SIPA1L1: variants seen among roughly 807,000 people sequenced by gnomAD.
SIPA1L1 encodes the protein signal induced proliferation associated 1 like 1, also known as signal-induced proliferation-associated 1-like protein 1.
SIPA1L1 carries 26 observed loss-of-function variants against 162.7 expected under a neutral mutation model. That is an observed-to-expected ratio of 0.16 (90% confidence interval 0.12 to 0.22). SIPA1L1 has a LOEUF of 0.22. SIPA1L1 is among the 10% of genes least tolerant of loss of function. The pLI, the probability that SIPA1L1 is intolerant of heterozygous loss-of-function variation, is 1.00. For synonymous variants in SIPA1L1, 829 were observed against 837.4 expected, an observed-to-expected ratio of 0.99 and a Z score of 0.17; for missense variants, 1,874 against 2,241.0, an observed-to-expected ratio of 0.84 and a Z score of 3.31.
At position 71,672,619 on chromosome 14, in the gene SIPA1L1, G is replaced by A. The variant is rs753360751; in HGVS notation, c.3101G>A (p.Arg1034Gln). 6 of 1,613,024 alleles carry A rather than the reference G, an allele frequency of 3.7e-6. No individual in the cohort carries two copies. The highest frequency in any genetic ancestry group is 1.6e-4 in the Middle Eastern group (1 of 6,068). Residue 1034 changes from arginine to glutamine, a missense_variant, in exon 12 of 24, where the codon CGG becomes CAG. By Grantham distance (43) the Arg-to-Gln change is conservative. This residue lies in a region of SIPA1L1 where 936 missense variants were observed against 1,051.9 expected (regional missense o/e 0.89). Transcript: ENST00000381232. ...CCCCCGCATGATGACTGCACCCCGC[G>A]GAGGTAGGTCTGAGGAGACAGCTGT... ...IIPPHDDCTP[R>Q]RSCSETYRMP...
At chr14:71,329,953 C>T (rs923433233) in intron 2 of SIPA1L1, among the ~76,000 whole-genome samples, 1 of 151,988 alleles carries the variant, frequency 6.6e-6, no homozygotes, top group Non-Finnish European at 1.5e-5. Flanking sequence ...CAACCTCTGG[C>T]AATACAAGGA....
At chr14:71,347,763 T>C (rs574678516) in intron 2 of SIPA1L1, among the ~76,000 whole-genome samples, 2 of 152,374 alleles carry the variant, frequency 1.3e-5, no homozygotes, top group Admixed American at 6.5e-5. Context: ...TGAGCATCTT[T>C]TTATGTGTTT....
At chr14:71,360,630 C>T (rs2037719517) in intron 2 of SIPA1L1, among the ~76,000 whole-genome samples, 1 of 152,146 alleles carries the variant, frequency 6.6e-6, no homozygotes, top group South Asian at 2.1e-4. Flanking sequence ...ATGTCTTTCT[C>T]TTTTTATGTG....
intron 12 of SIPA1L1, among the ~76,000 whole-genome samples, chr14:71,679,829 A>G (rs887215655): frequency 6.6e-6 from 1 of 152,212 alleles, no homozygotes; most frequent in Admixed American, 6.5e-5. Context: ...ATCAAAAGAG[A>G]CAAAGAAGGC....
At chr14:71,716,197 A>G (rs1296574181) in intron 17 of SIPA1L1, among the ~76,000 whole-genome samples, 1 of 152,052 alleles carries the variant, frequency 6.6e-6, no homozygotes, top group East Asian at 1.9e-4. Context: ...TCCGTACGGT[A>G]CTCTATTGGA....
At chr14:71,350,713 G>A (rs1189996817) in intron 2 of SIPA1L1, among the ~76,000 whole-genome samples, 6 of 152,166 alleles carry the variant, frequency 3.9e-5, no homozygotes, top group South Asian at 4.1e-4. Context: ...GAGGGACTTA[G>A]GAGAGACTAA....
chr14:71,731,602 T>C (rs1220813856), intron 20 of SIPA1L1, among the ~76,000 whole-genome samples: 1 of 152,254 alleles, frequency 6.6e-6, no homozygotes, highest in Non-Finnish European at 1.5e-5. Context: ...AATTTGCCTT[T>C]GCAGTGTAAA....
chr14:71,574,952 T>G (rs1165283453), intron 4 of SIPA1L1: 1 of 152,174 alleles, frequency 6.6e-6, no homozygotes, highest in African/African-American at 2.4e-5. Flanking sequence ...TAAAAAAAAC[T>G]GGAAGGATGT....
intron 7 of SIPA1L1, among the ~76,000 whole-genome samples, chr14:71,629,238 A>T (rs568640932): frequency 2.6e-5 from 4 of 152,320 alleles, no homozygotes; most frequent in African/African-American, 9.6e-5. Flanking sequence ...CTCTTGGCCA[A>T]AAGTAGATGA....
At chr14:71,665,896 A>G (rs976112316) in intron 10 of SIPA1L1, among the ~76,000 whole-genome samples, 1 of 152,228 alleles carries the variant, frequency 6.6e-6, no homozygotes, top group East Asian at 1.9e-4. Context: ...AATAATAGTT[A>G]TATGAATGTG....
At chr14:71,342,430 T>C (rs962062388) in intron 2 of SIPA1L1, among the ~76,000 whole-genome samples, 4 of 152,200 alleles carry the variant, frequency 2.6e-5, no homozygotes, top group Non-Finnish European at 5.9e-5. Context: ...TGAACTAATA[T>C]ACATTCCCAC....
chr14:71,726,274 A>C (rs2084238384), intron 19 of SIPA1L1, among the ~76,000 whole-genome samples: 1 of 152,236 alleles, frequency 6.6e-6, no homozygotes, highest in South Asian at 2.1e-4. Context: ...TCAGGGCACA[A>C]ATGGTTTCCT....
chr14:71,697,999 G>T (rs2081781523), intron 13 of SIPA1L1, among the ~76,000 whole-genome samples: 1 of 152,054 alleles, frequency 6.6e-6, no homozygotes, highest in South Asian at 2.1e-4. Context: ...ATGGAGTGCA[G>T]TGGGCTTAGA....
intron 2 of SIPA1L1, chr14:71,498,021 T>A (rs2143264891): frequency 6.6e-6 from 1 of 152,358 alleles, no homozygotes; most frequent in East Asian, 1.9e-4. Flanking sequence ...ATTTTAAATT[T>A]TGGCCATTTT....
intron 16 of SIPA1L1, among the ~76,000 whole-genome samples, chr14:71,706,765 G>C (rs1378249660): frequency 6.6e-6 from 1 of 152,170 alleles, no homozygotes; most frequent in African/African-American, 2.4e-5. Context: ...TGGGTACGGT[G>C]GCTCACACCT....
At chr14:71,612,143 G>GA (rs1266075981) in intron 5 of SIPA1L1, among the ~76,000 whole-genome samples, 1 of 152,010 alleles carries the variant, frequency 6.6e-6, no homozygotes, top group Non-Finnish European at 1.5e-5. Flanking sequence ...GACTTATGGT[G>GA]TTTTTTTCTT....
chr14:71,537,246 C>A (rs2053980501), intron 4 of SIPA1L1, among the ~76,000 whole-genome samples: 2 of 152,104 alleles, frequency 1.3e-5, no homozygotes, highest in South Asian at 4.1e-4. Flanking sequence ...AGCTCTGTTG[C>A]CCGGAGTGCA....
rs778484610 is a variant in SIPA1L1, at chr14:71,730,058, C to A, written c.4618C>A (p.His1540Asn). 5 of 1,613,060 alleles carry A rather than the reference C, an allele frequency of 3.1e-6. No individual in the cohort carries two copies. In the South Asian group the frequency reaches 4.4e-5, roughly 14 times the overall value. ...TPESQKSFKFHALSSPQSPFP... is the reference protein window; with the variant it reads ...TPESQKSFKFNALSSPQSPFP... ...TTGTCTTGATCCTGTTTTTCAGTTCCACGCACTCTCCTCTCCTCAGTCTCC... is the reference window on the plus strand; with the variant it reads ...TTGTCTTGATCCTGTTTTTCAGTTCAACGCACTCTCCTCTCCTCAGTCTCC... The change falls in exon 20 of 24, where the codon CAC becomes AAC. Residue 1540 changes from histidine (H) to asparagine (N), a missense_variant. Physicochemically the swap from His to Asn is moderately conservative, Grantham distance 68. Coordinates refer to ENST00000381232, the MANE Select transcript of SIPA1L1 (RefSeq NM_001386936.1).
chr14:71,519,415 C>T (rs2052074506), intron 3 of SIPA1L1, among the ~76,000 whole-genome samples: 1 of 152,150 alleles, frequency 6.6e-6, no homozygotes, highest in Non-Finnish European at 1.5e-5. Context: ...TGAAAGTATC[C>T]CCCAATAACA....
Sources: allele counts gnomAD v4.1 joint callset (sites outside exome capture counted in the v4.1 genomes callset), GRCh38; gene constraint gnomAD v4.1.1; regional missense constraint gnomAD v4.1.1; transcripts MANE v1.5; gene names NCBI Gene and HGNC (gene_info 2026-07-23, HGNC 2026-07-21).